CNTNAP2: variants seen among roughly 807,000 people sequenced by gnomAD.
CNTNAP2 encodes the protein contactin-associated protein-like 2.
A neutral mutation model predicts 155.2 loss-of-function variants in CNTNAP2; 98 were observed. That is an observed-to-expected ratio of 0.63 (90% CI 0.54 to 0.75). CNTNAP2 has a LOEUF of 0.75. Among genes scored for constraint, CNTNAP2 ranks in the 30% least tolerant of loss-of-function variants. The pLI, the probability that CNTNAP2 is intolerant of heterozygous loss-of-function variation, is 0.00. For synonymous variants in CNTNAP2, 651 were observed against 631.2 expected, an observed-to-expected ratio of 1.03 and a Z score of -0.47; for missense variants, 1,727 against 1,688.1, an observed-to-expected ratio of 1.02 and a Z score of -0.40.
intron 1 of CNTNAP2, among the ~76,000 whole-genome samples, chr7:146,371,958 CAA>C (rs111816450): frequency 8.4e-5 from 9 of 107,652 alleles, no homozygotes; most frequent in African/African-American, 3.1e-5. Flanking sequence ...AACTCCATCT[CAA>C]AAAAAAAAAA....
At chr7:147,761,011 A>G (rs529501797) in intron 13 of CNTNAP2, among the ~76,000 whole-genome samples, 3 of 152,206 alleles carry the variant, frequency 2.0e-5, no homozygotes, top group Admixed American at 6.5e-5. Context: ...AGATTGCATT[A>G]TGGATTCCGG....
intron 2 of CNTNAP2, among the ~76,000 whole-genome samples, chr7:146,779,767 C>T (rs1270661886): frequency 6.6e-6 from 1 of 152,288 alleles, no homozygotes; most frequent in East Asian, 1.9e-4. Flanking sequence ...TCTATCACAC[C>T]AGAGGGCAGA....
chr7:147,952,254 A>C (rs187125873), intron 14 of CNTNAP2, among the ~76,000 whole-genome samples: 7,621 of 23,016 alleles, frequency 0.33, 2,355 homozygotes, highest in East Asian at 0.61. Context: ...ACCAGCCTGA[A>C]CAACACGGAG....
chr7:148,405,332 C>T (rs537431832), intron 22 of CNTNAP2, among the ~76,000 whole-genome samples: 3 of 151,878 alleles, frequency 2.0e-5, no homozygotes, highest in Non-Finnish European at 2.9e-5. Context: ...ATTCTCCTTG[C>T]GTCATCTCAG....
chr7:146,431,814 C>T (rs377438181), intron 1 of CNTNAP2, among the ~76,000 whole-genome samples: 6 of 152,056 alleles, frequency 3.9e-5, no homozygotes, highest in African/African-American at 1.4e-4. Flanking sequence ...TAGACTAACA[C>T]GTTTATTTTG....
chr7:146,444,876 C>T (rs553173667), intron 1 of CNTNAP2, among the ~76,000 whole-genome samples: 7 of 151,894 alleles, frequency 4.6e-5, no homozygotes, highest in East Asian at 2.0e-4. Flanking sequence ...AGGCTGGTCT[C>T]GAACTCCTGG....
Position 148,017,173 on chromosome 7 carries a change from G to A in CNTNAP2, c.2383+39184G>A, listed in dbSNP as rs1281975059. Among the ~76,000 whole-genome samples, 3 of 152,262 alleles carry A rather than the reference G, an allele frequency of 2.0e-5. No homozygotes were observed. In the East Asian group the frequency reaches 5.8e-4, roughly 29 times the overall value. ...CATCTGCGTATGGTTGCTCAGCTTG[G>A]TCACTGAGACATGCAAAAGGGAAAT... is the stretch of plus-strand genomic sequence containing the variant. On this transcript the variant is annotated intron_variant, in intron 15 of 23. Transcript: ENST00000361727.
intron 8 of CNTNAP2, among the ~76,000 whole-genome samples, chr7:147,168,062 C>CAT (rs376620922): frequency 4.1e-5 from 6 of 147,552 alleles, no homozygotes; most frequent in East Asian, 2.0e-4. Context: ...TGTATATAAA[C>CAT]ATATATATAT....
At chr7:146,549,704 T>C (rs2129142452) in intron 1 of CNTNAP2, among the ~76,000 whole-genome samples, 1 of 152,234 alleles carries the variant, frequency 6.6e-6, no homozygotes, top group South Asian at 2.1e-4. Context: ...ACAAATGTTA[T>C]TAATATCAAT....
At chr7:146,446,507 T>C (rs1209628613) in intron 1 of CNTNAP2, among the ~76,000 whole-genome samples, 3 of 152,144 alleles carry the variant, frequency 2.0e-5, no homozygotes. Flanking sequence ...TCAGTGAACA[T>C]TTATTCTTAA....
chr7:147,709,976 G>T (rs1796378914), intron 13 of CNTNAP2, among the ~76,000 whole-genome samples: 1 of 151,692 alleles, frequency 6.6e-6, no homozygotes, highest in Non-Finnish European at 1.5e-5. Flanking sequence ...GTCATAAGAT[G>T]CCCAAAAGAT....
chr7:147,817,871 C>T (rs899058431), intron 13 of CNTNAP2, among the ~76,000 whole-genome samples: 3 of 146,982 alleles, frequency 2.0e-5, no homozygotes, highest in Non-Finnish European at 4.4e-5. Context: ...TGCCACTGCA[C>T]TCCAGCCTGG....
At chr7:147,707,697 G>A (rs1327662738) in intron 13 of CNTNAP2, among the ~76,000 whole-genome samples, 1 of 152,240 alleles carries the variant, frequency 6.6e-6, no homozygotes, top group Non-Finnish European at 1.5e-5. Context: ...CCTCTGGGCA[G>A]CAGCATGGAA....
At chr7:146,380,135 C>T (rs1175231770) in intron 1 of CNTNAP2, among the ~76,000 whole-genome samples, 1 of 152,102 alleles carries the variant, frequency 6.6e-6, no homozygotes, top group Non-Finnish European at 1.5e-5. Context: ...TAATTTTCTG[C>T]TTAGGAAATG....
intron 14 of CNTNAP2, among the ~76,000 whole-genome samples, chr7:147,963,563 G>T (rs1801150702): frequency 6.6e-6 from 1 of 152,094 alleles, no homozygotes; most frequent in Non-Finnish European, 1.5e-5. Flanking sequence ...CAGTCACGTT[G>T]AGGAACAGTA....
intron 8 of CNTNAP2, among the ~76,000 whole-genome samples, chr7:147,247,949 A>T (rs535346750): frequency 5.9e-5 from 9 of 152,268 alleles, no homozygotes; most frequent in African/African-American, 2.2e-4. Context: ...TTTTAAAAAA[A>T]GGTATAAGGG....
At chr7:148,028,177 C>T (rs1027799397) in intron 15 of CNTNAP2, among the ~76,000 whole-genome samples, 11 of 152,174 alleles carry the variant, frequency 7.2e-5, no homozygotes, top group African/African-American at 2.2e-4. Context: ...GTTACTTTCA[C>T]TAAAATAGTA....
At chr7:147,995,706 G>T (rs951631630) in intron 15 of CNTNAP2, among the ~76,000 whole-genome samples, 32 of 151,950 alleles carry the variant, frequency 2.1e-4, no homozygotes, top group African/African-American at 7.5e-4. Flanking sequence ...GTAGAGATAG[G>T]GTTTCACCAT....
intron 3 of CNTNAP2, among the ~76,000 whole-genome samples, chr7:146,863,732 A>T (rs1297479417): frequency 6.6e-6 from 1 of 152,132 alleles, no homozygotes; most frequent in African/African-American, 2.4e-5. Flanking sequence ...CTAGTTCCCA[A>T]ATAGAAGCTA....
Sources: gnomAD v4.1 joint callset for allele counts (sites outside exome capture counted in the v4.1 genomes callset) on GRCh38, gnomAD v4.1.1 for gene constraint, MANE v1.5 for transcripts, NCBI Gene and HGNC (gene_info 2026-07-23, HGNC 2026-07-21) for gene names.